The following SPEG variants were observed in gnomAD, a reference collection of about 807,000 sequenced individuals.
SPEG encodes the protein striated muscle enriched protein kinase.
SPEG carries 114 observed loss-of-function variants against 300.4 expected under a neutral mutation model. That is an observed-to-expected ratio of 0.38 (90% confidence interval 0.33 to 0.44). The LOEUF is 0.44. SPEG is among the 20% of genes least tolerant of loss of function. The pLI is 1.00. For synonymous variants in SPEG, 1,964 were observed against 2,018.9 expected, an observed-to-expected ratio of 0.97 and a Z score of 0.73; for missense variants, 4,201 against 4,586.2, an observed-to-expected ratio of 0.92 and a Z score of 2.43.
chr2:219,483,245 G>T lies in SPEG; in HGVS notation c.5782G>T (p.Glu1928Ter). The T allele has an allele frequency of 6.2e-7, 1 of 1,610,634 alleles. No individual in the cohort carries two copies. Among genetic ancestry groups the T allele is most frequent in the Non-Finnish European group, 8.5e-7 (1 of 1,179,052 alleles). ...LSSSSDSEEE[E>*]LEELPSVPRP... ...ATCCTCCTCGGATTCTGAAGAGGAA[G>T]AGCTGGAAGAGCTGCCCTCAGTGCC... Residue 1928 changes from glutamate to a stop codon, truncating the protein, a stop_gained, in exon 30 of 41, where the codon GAG (glutamate) becomes TAG (stop). Transcript: ENST00000312358. LOFTEE classifies it high-confidence loss of function.
In SPEG at chr2:219,461,779, C is replaced by T. The variant is rs985000537; in HGVS notation, c.2441-103C>T. Reference sequence around the variant, plus strand: ...GTGAAGTCAGGGCAGGGCCGGCCTGCGGGGAGCTGCCGCAACTCCTGGGCT... The same window carrying T: ...GTGAAGTCAGGGCAGGGCCGGCCTGTGGGGAGCTGCCGCAACTCCTGGGCT... On this transcript the variant is annotated intron_variant, in intron 6 of 40. Transcript: ENST00000312358. 1.4e-4 allele frequency: 175 copies of T among 1,248,688 alleles called. 2 individuals are homozygous for T. In the South Asian group the frequency reaches 1.6e-3, roughly 11 times the overall value. The allele number at this position is 1,248,688 out of a possible 1,614,324, so 77.4% of individuals were successfully genotyped here.
intron 10 of SPEG, among the ~76,000 whole-genome samples, chr2:219,467,938 G>A (rs770161920): frequency 4.1e-4 from 63 of 152,250 alleles, no homozygotes; most frequent in Non-Finnish European, 4.7e-4. Flanking sequence ...ATAAATGCCA[G>A]CCATTGTTAC....
In SPEG at chr2:219,477,790, G is replaced by A. The variant is rs1243678464; in HGVS notation, c.4826+5G>A. The A allele has an allele frequency of 6.2e-7, 1 of 1,601,052 alleles. No individual in the cohort carries two copies. Among genetic ancestry groups the A allele is most frequent in the African/African-American group, 1.3e-5 (1 of 74,742 alleles). ...CATCCACCAGGAGATCGGCAGGTGT[G>A]GGGCTAGGAGGGAAGCCAGTGGGGG... On this transcript the variant is annotated splice_donor_5th_base_variant and intron_variant, in intron 21 of 40. Coordinates refer to ENST00000312358, the MANE Select transcript of SPEG (RefSeq NM_005876.5). The surrounding 1 kb of genome is among the most constrained non-coding windows in gnomAD (Gnocchi z 6.4).
rs1174030747 is a variant in SPEG, at chr2:219,448,167, C to G, written c.1009C>G (p.Arg337Gly). Reference protein sequence around the residue: ...QPAATPTSPHRRTQEPVLPED... With the variant: ...QPAATPTSPHGRTQEPVLPED... ...CGCGGCCACCCCCACGTCGCCCCAC[C>G]GTCGCACTCAGGAGCCTGTGCTGCC... Residue 337 changes from arginine to glycine, a missense_variant, in exon 4 of 41, where the codon CGT (arginine) becomes GGT (glycine). Arg to Gly is a moderately radical substitution (Grantham distance 125, BLOSUM62 -2). Coordinates refer to ENST00000312358, the MANE Select transcript of SPEG (RefSeq NM_005876.5). 2.5e-6 allele frequency: 4 copies of G among 1,611,454 alleles called. No individual in the cohort carries two copies. Among genetic ancestry groups the G allele is most frequent in the Non-Finnish European group, 3.4e-6 (4 of 1,179,152 alleles).
chr2:219,475,845 T>C (rs955474847), intron 18 of SPEG, among the ~76,000 whole-genome samples: 9 of 152,184 alleles, frequency 5.9e-5, no homozygotes, highest in Admixed American at 4.6e-4. Context: ...ACAGGGCAAG[T>C]GGAGTGGTGG....
Position 219,489,376 on chromosome 2 carries a change from T to C in SPEG, c.8358T>C (p.Pro2786=). 6.2e-7 allele frequency: 1 copy of C among 1,612,716 alleles called. No homozygotes were observed. The highest frequency in any genetic ancestry group is 8.5e-7 in the Non-Finnish European group (1 of 1,179,652). The part of the protein sequence containing the change: ...AVPSAAHQEA[P]VTSRPARARP... ...CATCTGCTGCCCACCAAGAGGCCCCTGTCACCTCAAGGCCAGCCAGGGCCC... is the reference window on the plus strand; with the variant it reads ...CATCTGCTGCCCACCAAGAGGCCCCCGTCACCTCAAGGCCAGCCAGGGCCC... Residue 2786 remains proline, a synonymous_variant, in exon 36 of 41, where the codon CCT becomes CCC. Coordinates refer to ENST00000312358, the MANE Select transcript of SPEG (RefSeq NM_005876.5).
At chr2:219,446,916 T>C (rs1244077536) in intron 3 of SPEG, among the ~76,000 whole-genome samples, 1 of 152,136 alleles carries the variant, frequency 6.6e-6, no homozygotes, top group Non-Finnish European at 1.5e-5. Context: ...CAATGAGCCA[T>C]TTTACAGATT....
intron 6 of SPEG, 60 bp from the exon 7 acceptor site, chr2:219,461,822 C>T: frequency 1.3e-6 from 2 of 1,545,640 alleles, no homozygotes; most frequent in Non-Finnish European, 1.8e-6. Context: ...ACATTCCAGC[C>T]AGCTCTCCCA....
intron 40 of SPEG, among the ~76,000 whole-genome samples, 156 bp downstream of exon 40, chr2:219,492,416 G>A (rs927424576): frequency 3.3e-5 from 5 of 152,150 alleles, no homozygotes; most frequent in Non-Finnish European, 5.9e-5. Context: ...AGGCAGCCCC[G>A]TGCAAGGCAG....
Position 219,459,244 on chromosome 2 carries a change from C to T in SPEG, c.2441-2638C>T, listed in dbSNP as rs1690443569. Among the ~76,000 whole-genome samples the T allele has an allele frequency of 6.6e-6, 1 of 152,220 alleles. No homozygotes were observed. The highest frequency in any genetic ancestry group is 2.4e-5 in the African/African-American group (1 of 41,456). ...GTGCCTATTAGGTTTAGGGGGGCAC[C>T]TGCCCCCTCCTTCCTGGCTGGTGTA... On this transcript the variant is annotated intron_variant, in intron 6 of 40. Coordinates refer to ENST00000312358, the MANE Select transcript of SPEG (RefSeq NM_005876.5). The surrounding 1 kb of genome is among the most constrained non-coding windows in gnomAD (Gnocchi z 4.9).
intron 13 of SPEG, among the ~76,000 whole-genome samples, chr2:219,469,728 T>C (rs1211265903): frequency 6.6e-6 from 1 of 152,126 alleles, no homozygotes; most frequent in Non-Finnish European, 1.5e-5. Context: ...TTAATGCATA[T>C]AAGCCCCAGA....
rs201028653 is a variant in SPEG, at chr2:219,477,250, G to T, written c.4561-27G>T. On this transcript the variant is annotated intron_variant, in intron 19 of 40. Transcript: ENST00000312358. The surrounding 1 kb of genome is among the most constrained non-coding windows in gnomAD (Gnocchi z 6.4). ...CAAGGTAGAGATGAGGCCAGGCCCA[G>T]GCTGAAGGTGAGACCCCACTCTGCA... 9.5e-6 allele frequency: 13 copies of T among 1,362,896 alleles called. No individual in the cohort carries two copies. The South Asian group carries it at 1.6e-4, about 17-fold the overall frequency. 84.4% of individuals were successfully genotyped at this position (1,362,896 alleles called of 1,614,324 possible). A position where few individuals can be genotyped will look rare whatever the true frequency, so the allele number is the denominator to read the frequency against.
At chr2:219,461,059 G>A (rs1049016754) in intron 6 of SPEG, 1 of 944,308 alleles carries the variant, frequency 1.1e-6, no homozygotes, top group Non-Finnish European at 1.3e-6. Flanking sequence ...GAACCTAGGG[G>A]GCTGTGGCAG....
rs368014313 is a variant in SPEG, at chr2:219,469,378, G to T, written c.3714G>T (p.Gln1238His). Residue 1238 changes from glutamine (Q) to histidine (H), a missense_variant and splice_region_variant, in exon 13 of 41, where the codon CAG becomes CAT. Around this residue, in one of 4 missense-constraint regions of SPEG, gnomAD observed 1,047 missense variants for 1,356.8 expected, o/e 0.77. Transcript: ENST00000312358. ...IQSSDDRRMT[Q>H]YRDVHRLVFP... is the part of the protein sequence containing the mutation. ...GCAGCGACGACCGGCGCATGACACAGTGTACGTGTCTGGGAAGTTCCCCGG... is the reference window on the plus strand; with the variant it reads ...GCAGCGACGACCGGCGCATGACACATTGTACGTGTCTGGGAAGTTCCCCGG... 1 of 1,611,440 alleles carries T rather than the reference G, an allele frequency of 6.2e-7. No homozygotes were observed. The highest frequency in any genetic ancestry group is 1.3e-5 in the African/African-American group (1 of 74,884).
At chr2:219,487,963 T>G (rs903030581) in intron 31 of SPEG, among the ~76,000 whole-genome samples, 1 of 152,176 alleles carries the variant, frequency 6.6e-6, no homozygotes, top group Non-Finnish European at 1.5e-5. Flanking sequence ...CAGCAGTCAG[T>G]GCAAGGAAAA....
chr2:219,487,145 G>A (rs1693510284), intron 31 of SPEG, among the ~76,000 whole-genome samples: 1 of 152,054 alleles, frequency 6.6e-6, no homozygotes, highest in South Asian at 2.1e-4. Flanking sequence ...GGCCCAGCTG[G>A]GATTCTTCTA....
At position 219,489,774 on chromosome 2, in the gene SPEG, A is replaced by G. The variant is rs1259750732; in HGVS notation, c.8756A>G (p.Glu2919Gly). Residue 2919 changes from glutamate to glycine, a missense_variant, in exon 36 of 41, where the codon GAG (glutamate) becomes GGG (glycine). Transcript: ENST00000312358. Reference protein sequence around the residue: ...APPAPEPPAPEPPPEPTKVTV... With the variant: ...APPAPEPPAPGPPPEPTKVTV... ...CCAGCCCCTGAGCCCCCAGCCCCTGAGCCCCCTCCTGAGCCTACCAAGGTG... is the reference window on the plus strand; with the variant it reads ...CCAGCCCCTGAGCCCCCAGCCCCTGGGCCCCCTCCTGAGCCTACCAAGGTG... 5.0e-6 allele frequency: 8 copies of G among 1,613,400 alleles called. No homozygotes were observed. The highest frequency in any genetic ancestry group is 4.2e-6 in the Non-Finnish European group (5 of 1,179,924).
intron 1 of SPEG, among the ~76,000 whole-genome samples, chr2:219,438,608 T>C (rs1473756870): frequency 6.6e-6 from 1 of 152,142 alleles, no homozygotes; most frequent in East Asian, 1.9e-4. Context: ...AGTGCTACCC[T>C]CAAAGCTGTG....
At chr2:219,442,041 CT>C in intron 1 of SPEG, 1 of 1,169,516 alleles carries the variant, frequency 8.6e-7, no homozygotes, top group Non-Finnish European at 1.1e-6. Flanking sequence ...GCCCGGCCCC[CT>C]CCCCCGCCAT....
Sources: gnomAD v4.1 joint callset for allele counts (sites outside exome capture counted in the v4.1 genomes callset) on GRCh38, gnomAD v4.1.1 for gene constraint, gnomAD v4.1.1 regional missense constraint, Gnocchi (gnomAD v3.1) non-coding constraint, MANE v1.5 for transcripts, NCBI Gene and HGNC (gene_info 2026-07-23, HGNC 2026-07-21) for gene names.